OTC: variants seen among roughly 807,000 people sequenced by gnomAD.
OTC encodes the protein ornithine transcarbamylase, mitochondrial.
Under a neutral mutation model 30.3 loss-of-function variants are expected in OTC, and 3 were observed. The observed-to-expected ratio is 0.10, with a 90% CI of 0.05 to 0.26. The LOEUF (loss-of-function observed/expected upper bound fraction) is 0.26, where lower values mean the gene tolerates loss of function less well. Among genes scored for constraint, OTC ranks in the 10% least tolerant of loss-of-function variants. OTC has a pLI of 1.00. For missense variants in OTC, 194 were observed against 260.3 expected, an observed-to-expected ratio of 0.75 and a Z score of 1.75; for synonymous variants, 111 against 99.7, an observed-to-expected ratio of 1.11 and a Z score of -0.67.
At chrX:38,405,921 C>T (rs1368991051) in intron 6 of OTC, among the ~76,000 whole-genome samples, 1 of 112,046 alleles carries the variant, frequency 8.9e-6, no homozygotes, top group African/African-American at 3.2e-5. Flanking sequence ...ATAATTGCTC[C>T]CTGCTATGAA....
chrX:38,403,648 C>G lies in OTC; in HGVS notation c.571C>G (p.Leu191Val). The change falls in exon 6 of 10, where the codon CTC becomes GTC. Residue 191 changes from leucine to valine, a missense_variant. Transcript: ENST00000039007. ...CTATAGCTCTCTGAAAGGTCTTACC[C>G]TCAGCTGGATCGGGGATGGGAACAA... The part of the protein sequence containing the change: ...EHYSSLKGLT[L>V]SWIGDGNNIL... 1 of 1,208,808 alleles carries G rather than the reference C, an allele frequency of 8.3e-7. No individual in the cohort carries two copies. The highest frequency in any genetic ancestry group is 1.8e-5 in the South Asian group (1 of 56,912).
At chrX:38,420,819 G>A (rs984623926) in intron 9 of OTC, among the ~76,000 whole-genome samples, 5 of 111,424 alleles carry the variant, frequency 4.5e-5, no homozygotes, top group Admixed American at 9.6e-5. Context: ...GTCTAGATCA[G>A]TCTGATCTCT....
intron 6 of OTC, among the ~76,000 whole-genome samples, chrX:38,405,734 CTTT>C (rs2068512766): frequency 8.9e-6 from 1 of 111,755 alleles, no homozygotes; most frequent in Admixed American, 9.5e-5. Flanking sequence ...TAATTCTCCT[CTTT>C]TATTCAGCGT....
intron 9 of OTC, among the ~76,000 whole-genome samples, chrX:38,420,672 G>A (rs1255500426): frequency 9.0e-6 from 1 of 110,661 alleles, no homozygotes; most frequent in Admixed American, 9.7e-5. Flanking sequence ...TGGAATAGGA[G>A]AGATGATATT....
chrX:38,381,088 C>T (rs192668205), intron 3 of OTC, among the ~76,000 whole-genome samples: 119 of 112,162 alleles, frequency 1.1e-3, no homozygotes, highest in African/African-American at 3.6e-3. Flanking sequence ...AATGATGCCT[C>T]GTTATTGCCA....
At chrX:38,331,761 T>A in the OTC span, among the ~76,000 whole-genome samples, 6 of 110,045 alleles carry the variant, frequency 5.5e-5, no homozygotes, top group African/African-American at 2.0e-4. Flanking sequence ...TTTTGTATTT[T>A]TGTAGAGATG....
intron 4 of OTC, among the ~76,000 whole-genome samples, chrX:38,394,654 C>T (rs2068445368): frequency 8.9e-6 from 1 of 111,797 alleles, no homozygotes; most frequent in South Asian, 3.8e-4. Flanking sequence ...CATGGCCTCC[C>T]TTTAATGAGG....
chrX:38,341,195 C>T, the OTC span, among the ~76,000 whole-genome samples: 40 of 112,112 alleles, frequency 3.6e-4, no homozygotes, highest in East Asian at 0.011. Context: ...GTTTTGCTCC[C>T]TTCCTAACCC....
intron 1 of OTC, among the ~76,000 whole-genome samples, chrX:38,354,943 T>C (rs749223934): frequency 1.3e-3 from 142 of 111,640 alleles, no homozygotes; most frequent in Non-Finnish European, 2.0e-3. Flanking sequence ...GCCTGTTCTA[T>C]ATTTTTGCTT....
intron 3 of OTC, among the ~76,000 whole-genome samples, chrX:38,377,984 C>T (rs901908711): frequency 1.2e-4 from 13 of 109,106 alleles, no homozygotes; most frequent in Non-Finnish European, 2.5e-4. Context: ...TTACAGGCGC[C>T]CGCCACCATG....
chrX:38,344,107 C>T, the OTC span, among the ~76,000 whole-genome samples: 2 of 111,332 alleles, frequency 1.8e-5, no homozygotes, highest in African/African-American at 6.5e-5. Context: ...GGTTGTGCCA[C>T]TGCATTCCAG....
chrX:38,392,073 C>T (rs1270277707), intron 4 of OTC, among the ~76,000 whole-genome samples: 1 of 103,151 alleles, frequency 9.7e-6, no homozygotes, highest in Non-Finnish European at 2.1e-5. Context: ...TGAAACTAGA[C>T]ATTTTAAATA....
chrX:38,388,640 G>A (rs1036558836), intron 4 of OTC, among the ~76,000 whole-genome samples: 3 of 111,489 alleles, frequency 2.7e-5, no homozygotes, highest in Non-Finnish European at 5.6e-5. Flanking sequence ...AATGCTCAGC[G>A]TACTACTGAA....
rs201802621 is a variant in OTC, at chrX:38,367,362, G to A, written c.149G>A (p.Gly50Glu). Reference sequence around the variant, plus strand: ...CTTCTCACTCTAAAAAACTTTACCGGAGAAGAAATTAAATATATGCTATGG... The same window carrying A: ...CTTCTCACTCTAAAAAACTTTACCGAAGAAGAAATTAAATATATGCTATGG... The part of the protein sequence containing the change: ...RDLLTLKNFT[G>E]EEIKYMLWLS... Residue 50 changes from glycine to glutamate, a missense_variant, in exon 2 of 10, where the codon GGA (glycine) becomes GAA (glutamate). By Grantham distance (98) the Gly-to-Glu change is moderately conservative (BLOSUM62 -2). Coordinates refer to ENST00000039007, the MANE Select transcript of OTC (RefSeq NM_000531.6). 8.3e-7 allele frequency: 1 copy of A among 1,200,157 alleles called. No homozygotes were observed. Among genetic ancestry groups the A allele is most frequent in the South Asian group, 1.8e-5 (1 of 56,693 alleles).
intron 4 of OTC, among the ~76,000 whole-genome samples, chrX:38,383,488 G>A (rs2068386583): frequency 8.9e-6 from 1 of 111,911 alleles, no homozygotes; most frequent in Non-Finnish European, 1.9e-5. Flanking sequence ...CACGAGAGGG[G>A]CAGCGAAACA....
At chrX:38,342,011 C>CTTTTTT in the OTC span, among the ~76,000 whole-genome samples, 3 of 28,568 alleles carry the variant, frequency 1.1e-4, no homozygotes, top group African/African-American at 1.7e-4. Context: ...TTAAATTTCA[C>CTTTTTT]TTTTTTTTTT....
At chrX:38,366,012 C>T (rs66484072) in intron 1 of OTC, among the ~76,000 whole-genome samples, 1 of 110,832 alleles carries the variant, frequency 9.0e-6, no homozygotes, top group African/African-American at 3.3e-5. Context: ...TAATGATAAG[C>T]GGGGGTTCTC....
intron 4 of OTC, among the ~76,000 whole-genome samples, chrX:38,387,320 A>G (rs749741425): frequency 8.9e-5 from 10 of 112,220 alleles, no homozygotes; most frequent in Non-Finnish European, 1.5e-4. Context: ...TATTATTACA[A>G]TAAAAAAGTC....
intron 1 of OTC, among the ~76,000 whole-genome samples, chrX:38,360,210 T>C (rs1356099618): frequency 9.0e-6 from 1 of 111,469 alleles, no homozygotes; most frequent in African/African-American, 3.3e-5. Context: ...TGTGAGCCAC[T>C]ATGCCGTGCC....
Sources: gnomAD v4.1 joint callset for allele counts (sites outside exome capture counted in the v4.1 genomes callset) on GRCh38, gnomAD v4.1.1 for gene constraint, MANE v1.5 for transcripts, NCBI Gene and HGNC (gene_info 2026-07-23, HGNC 2026-07-21) for gene names.